The following LAMC3 variants were observed in gnomAD, a reference collection of about 807,000 sequenced individuals.
LAMC3 encodes the protein laminin subunit gamma 3.
In LAMC3, 128 loss-of-function variants were observed where a neutral mutation model predicts 173.8. That is an observed-to-expected ratio of 0.74 (90% CI 0.64 to 0.85). The LOEUF (loss-of-function observed/expected upper bound fraction) is 0.85, where lower values mean the gene tolerates loss of function less well. Among genes scored for constraint, LAMC3 ranks in the 40% least tolerant of loss-of-function variants. The probability of loss-of-function intolerance (pLI) is 0.00; values close to 1 mark genes in which losing one functional copy is unlikely to be tolerated. For missense variants in LAMC3, 2,022 were observed against 2,156.0 expected (o/e 0.94, Z 1.23); for synonymous variants, 897 against 909.1 (o/e 0.99, Z 0.24).
At chr9:131,019,789 G>A (rs1833595451) in intron 1 of LAMC3, among the ~76,000 whole-genome samples, 2 of 152,060 alleles carry the variant, frequency 1.3e-5, no homozygotes, top group African/African-American at 4.8e-5. Flanking sequence ...GGGTGAAGGG[G>A]GTGCTGGTGC....
Position 131,026,672 on chromosome 9 carries a change from C to A in LAMC3, c.678+83C>A. The A allele has an allele frequency of 6.9e-7, 1 of 1,453,892 alleles. No individual in the cohort carries two copies. Among genetic ancestry groups the A allele is most frequent in the South Asian group, 1.4e-5 (1 of 69,808 alleles). 90.1% of individuals were successfully genotyped at this position (1,453,892 alleles called of 1,614,324 possible). ...TAGGAGGGTCTGATGTGCCAGGACA[C>A]ACAGGGTGGGGGACCTGCAAAACCC... On this transcript the variant is annotated intron_variant, in intron 2 of 27. Transcript: ENST00000361069. The surrounding 1 kb of genome is among the most constrained non-coding windows in gnomAD (Gnocchi z 4.8).
At chr9:131,090,442 G>C (rs955740315) in intron 27 of LAMC3, among the ~76,000 whole-genome samples, 1 of 152,194 alleles carries the variant, frequency 6.6e-6, no homozygotes, top group Non-Finnish European at 1.5e-5. Flanking sequence ...ATTTTGCTGT[G>C]GGCCATGGGG....
At chr9:131,019,275 A>G (rs1288884979) in intron 1 of LAMC3, among the ~76,000 whole-genome samples, 1 of 152,092 alleles carries the variant, frequency 6.6e-6, no homozygotes, top group Non-Finnish European at 1.5e-5. Context: ...ACAAACAAAC[A>G]AACAAACAAA....
At chr9:131,068,808 G>C in intron 15 of LAMC3, 100 bp from the exon 16 acceptor site, 1 of 1,321,010 alleles carries the variant, frequency 7.6e-7, no homozygotes, top group Non-Finnish European at 1.1e-6. Context: ...CTTGTCAGCA[G>C]AGGGCTGTGA....
At chr9:131,079,831 AG>A in intron 23 of LAMC3, among the ~76,000 whole-genome samples, 1 of 152,066 alleles carries the variant, frequency 6.6e-6, no homozygotes, top group Non-Finnish European at 1.5e-5. Context: ...GGACAGCAGC[AG>A]CAGCACCCGG....
At chr9:131,046,598 A>G (rs1834166907) in intron 8 of LAMC3, among the ~76,000 whole-genome samples, 2 of 129,766 alleles carry the variant, frequency 1.5e-5, no homozygotes, top group African/African-American at 6.0e-5. Flanking sequence ...TCCTGAGCTC[A>G]GGCAATCCCG....
At chr9:131,062,854 G>A (rs1829857340) in intron 13 of LAMC3, among the ~76,000 whole-genome samples, 1 of 150,274 alleles carries the variant, frequency 6.7e-6, no homozygotes, top group Non-Finnish European at 1.5e-5. Flanking sequence ...GGGTGACAGA[G>A]CAAGACTCCA....
At chr9:131,014,093 G>A (rs773543751) in intron 1 of LAMC3, among the ~76,000 whole-genome samples, 16 of 152,218 alleles carry the variant, frequency 1.1e-4, no homozygotes, top group Non-Finnish European at 2.1e-4. Flanking sequence ...GCTGGCCTTG[G>A]CCACCTCTTT....
rs540867823 is a variant in LAMC3 at position 131,092,651 on chromosome 9, A to G, written c.*864A>G. On this transcript the variant is annotated 3_prime_UTR_variant, in exon 28 of 28. Coordinates refer to ENST00000361069, the MANE Select transcript of LAMC3 (RefSeq NM_006059.4). Reference sequence around the variant, plus strand: ...TGATCTATCCAAAGAGCCAGGCCCAAAAGCGCCTAGGTCAGGGTGCTCAGG... The same window carrying G: ...TGATCTATCCAAAGAGCCAGGCCCAGAAGCGCCTAGGTCAGGGTGCTCAGG... 5 of 152,392 alleles carry G rather than the reference A, an allele frequency of 3.3e-5. No homozygotes were observed. The East Asian group carries it at 9.7e-4, about 29-fold the overall frequency. The allele number at this position is 152,392 out of a possible 1,614,324, so 9.4% of individuals were successfully genotyped here.
rs1180803758 is a variant in LAMC3 at position 131,071,540 on chromosome 9, C to A, written c.3126C>A (p.Asp1042Glu). Residue 1042 changes from aspartate to glutamate, a missense_variant, in exon 18 of 28, where the codon GAC becomes GAA. By Grantham distance (45) the Asp-to-Glu change is conservative. Transcript: ENST00000361069. Reference sequence around the variant, plus strand: ...CGGAGGGGTGGCTCCAAGGGTCCGACTGTGGCAGTCCCTGGGGACCACTAG... The same window carrying A: ...CGGAGGGGTGGCTCCAAGGGTCCGAATGTGGCAGTCCCTGGGGACCACTAG... ...TLTEGWLQGSDCGSPWGPLDI... is the reference protein window; with the variant it reads ...TLTEGWLQGSECGSPWGPLDI... 6.2e-7 allele frequency: 1 copy of A among 1,613,722 alleles called. No homozygotes were observed. The highest frequency in any genetic ancestry group is 1.7e-5 in the Admixed American group (1 of 59,984).
intron 1 of LAMC3, among the ~76,000 whole-genome samples, chr9:131,018,523 G>A (rs1295099588): frequency 6.6e-6 from 1 of 152,132 alleles, no homozygotes; most frequent in Non-Finnish European, 1.5e-5. Flanking sequence ...AGGCTTCTGG[G>A]TGATTGAGAC....
intron 7 of LAMC3, among the ~76,000 whole-genome samples, chr9:131,043,068 A>G (rs539022890): frequency 7.9e-5 from 12 of 152,310 alleles, no homozygotes; most frequent in African/African-American, 2.9e-4. Context: ...GAGCCCTACT[A>G]TAACCTCAGG....
intron 27 of LAMC3, among the ~76,000 whole-genome samples, chr9:131,088,049 C>T (rs758025022): frequency 2.8e-4 from 42 of 152,182 alleles, no homozygotes; most frequent in Non-Finnish European, 5.9e-4. Context: ...ACTGTTTGTG[C>T]CTCCAGGGCC....
chr9:131,039,013 C>T lies in LAMC3; in HGVS notation c.1126C>T (p.Pro376Ser), dbSNP rs1064796412. 6.2e-7 allele frequency: 1 copy of T among 1,613,602 alleles called. No homozygotes were observed. The highest frequency in any genetic ancestry group is 8.5e-7 in the Non-Finnish European group (1 of 1,179,998). Residue 376 changes from proline (P) to serine (S), a missense_variant, in exon 5 of 28, where the codon CCG (proline) becomes TCG (serine). By Grantham distance (74) the Pro-to-Ser change is moderately conservative. Transcript: ENST00000361069. ...TCAGGAGAATTTCTATCACTGGGAC[C>T]CGCGGATGCCATGCCAGCCCTGTGA... ...RCQENFYHWD[P>S]RMPCQPCDCQ...
chr9:131,024,823 T>C lies in LAMC3; in HGVS notation c.374-1462T>C, dbSNP rs188082666. ...GCCGACGGTGAGGAGCTCTGTCCAG[T>C]GTGGGGAGCCACCGCTGAGCAGGTA... On this transcript the variant is annotated intron_variant, in intron 1 of 27. Transcript: ENST00000361069. 2.8e-3 allele frequency among the ~76,000 whole-genome samples: 428 copies of C among 151,992 alleles called. 5 individuals are homozygous for C. The highest frequency in any genetic ancestry group is 1.0e-2 in the African/African-American group (413 of 41,466).
Position 131,032,649 on chromosome 9 carries a change from A to ACTCACTCTCT in LAMC3, c.809+488_809+497dup, listed in dbSNP as rs199588560. Among the ~76,000 whole-genome samples, 341 of 109,874 alleles carry ACTCACTCTCT rather than the reference A, an allele frequency of 3.1e-3. 5 individuals are homozygous for ACTCACTCTCT. Among genetic ancestry groups the ACTCACTCTCT allele is most frequent in the African/African-American group, 0.011 (309 of 28,972 alleles). The allele number at this position is 109,874 out of a possible 152,430, so 72.1% of individuals were successfully genotyped here. A position where few individuals can be genotyped will look rare whatever the true frequency, so the allele number is the denominator to read the frequency against. On this transcript the variant is annotated intron_variant, in intron 3 of 27. Coordinates refer to ENST00000361069, the MANE Select transcript of LAMC3 (RefSeq NM_006059.4). ...CACTCTCTCTTGCTCTCTCGCTCTC[A>ACTCACTCTCT]CTCACTCTCTCTCACTCTCTCTCGC... is the stretch of plus-strand genomic sequence containing the variant.
rs765163533 is a variant in LAMC3, at chr9:131,061,206, GC to G, written c.2336del (p.Pro779ArgfsTer105). 3 of 1,607,284 alleles carry G rather than the reference GC, an allele frequency of 1.9e-6. No homozygotes were observed. On this transcript the variant is annotated frameshift_variant, in exon 13 of 28. Coordinates refer to ENST00000361069, the MANE Select transcript of LAMC3 (RefSeq NM_006059.4). LOFTEE classifies it high-confidence loss of function. ...PESREVVCTH[C>X]PPGQRGRRCE... ...AGCCGGGAGGTGGTGTGTACCCACT[GC>G]CCCCCGGGCCAGAGAGGTAAGTGAC... is the stretch of plus-strand genomic sequence containing the variant.
chr9:131,057,255 C>A, intron 12 of LAMC3, 108 bp downstream of exon 12: 1 of 946,654 alleles, frequency 1.1e-6, no homozygotes, highest in Non-Finnish European at 1.7e-6. Context: ...AGGTGTTGGC[C>A]AAGCTGTGGG....
intron 2 of LAMC3, among the ~76,000 whole-genome samples, chr9:131,028,135 C>T (rs1256422567): frequency 2.6e-5 from 4 of 152,098 alleles, no homozygotes; most frequent in Admixed American, 6.5e-5. Flanking sequence ...GTCAGATCAG[C>T]CTCCTGTCAG....
Sources: gnomAD v4.1 joint callset for allele counts (sites outside exome capture counted in the v4.1 genomes callset) on GRCh38, gnomAD v4.1.1 for gene constraint, Gnocchi (gnomAD v3.1) non-coding constraint, MANE v1.5 for transcripts, NCBI Gene and HGNC (gene_info 2026-07-23, HGNC 2026-07-21) for gene names.